RAPGEF2: variants seen among roughly 807,000 people sequenced by gnomAD.
RAPGEF2 encodes Rap guanine nucleotide exchange factor 2.
A neutral mutation model predicts 186.7 loss-of-function variants in RAPGEF2; 54 were observed. That is an observed-to-expected ratio of 0.29 (90% confidence interval 0.23 to 0.36). The LOEUF (loss-of-function observed/expected upper bound fraction) is 0.36. Ranked by LOEUF, RAPGEF2 falls within the 10% of genes least tolerant of loss-of-function variation. RAPGEF2 has a pLI of 1.00. For missense variants in RAPGEF2, 1,532 were observed against 2,045.0 expected, an observed-to-expected ratio of 0.75 and a Z score of 4.84; for synonymous variants, 712 against 705.9, an observed-to-expected ratio of 1.01 and a Z score of -0.14.
At chr4:159,165,420 A>C (rs1269914154) in intron 1 of RAPGEF2, among the ~76,000 whole-genome samples, 1 of 152,182 alleles carries the variant, frequency 6.6e-6, no homozygotes, top group Non-Finnish European at 1.5e-5. Context: ...ATGTTTTGGT[A>C]ATTATTTTAT....
At position 159,353,393 on chromosome 4, in the gene RAPGEF2, C is replaced by T; in HGVS notation, c.4092-94C>T. On this transcript the variant is annotated intron_variant, in intron 27 of 29. Transcript: ENST00000691494. This position sits in a 1 kb window ranked among gnomAD's most constrained non-coding sequence, Gnocchi z 4.3. ...CTGTTTCTGGGATGAAAGCAAGCTA[C>T]CTTTCTAGGAAAAAGGGTATTTTGG... 9.7e-7 allele frequency: 1 copy of T among 1,031,732 alleles called. No homozygotes were observed. The highest frequency in any genetic ancestry group is 1.3e-6 in the Non-Finnish European group (1 of 757,952). The allele number at this position is 1,031,732 out of a possible 1,614,324, so 63.9% of individuals were successfully genotyped here.
intron 1 of RAPGEF2, among the ~76,000 whole-genome samples, chr4:159,104,527 G>A (rs579395): frequency 0.2 from 17,251 of 87,636 alleles, 1,677 homozygotes; most frequent in Middle Eastern, 0.26. Context: ...AGAGAGAGAG[G>A]GAGAGACAGA....
At chr4:159,273,685 T>C (rs964065097) in intron 7 of RAPGEF2, among the ~76,000 whole-genome samples, 3 of 148,144 alleles carry the variant, frequency 2.0e-5, no homozygotes, top group Non-Finnish European at 3.0e-5. Context: ...TTTCTTTCTT[T>C]CTTTCTTTCT....
At chr4:159,172,547 G>A (rs1746021731) in intron 1 of RAPGEF2, among the ~76,000 whole-genome samples, 1 of 152,148 alleles carries the variant, frequency 6.6e-6, no homozygotes, top group Non-Finnish European at 1.5e-5. Flanking sequence ...GGATGTCAGA[G>A]TATCAATGTT....
intron 7 of RAPGEF2, among the ~76,000 whole-genome samples, chr4:159,291,281 A>G (rs370619699): frequency 2.0e-5 from 3 of 152,036 alleles, no homozygotes; most frequent in African/African-American, 7.2e-5. Context: ...TGTGTGTGTG[A>G]GGATTGGGTG....
At chr4:159,140,870 C>T (rs984833432) in intron 1 of RAPGEF2, among the ~76,000 whole-genome samples, 6 of 150,562 alleles carry the variant, frequency 4.0e-5, no homozygotes, top group Non-Finnish European at 5.9e-5. Flanking sequence ...CTCACTCTGT[C>T]GCCCAGGCTG....
At chr4:159,276,403 G>C (rs966511009) in intron 7 of RAPGEF2, among the ~76,000 whole-genome samples, 12 of 152,072 alleles carry the variant, frequency 7.9e-5, no homozygotes, top group Non-Finnish European at 8.8e-5. Flanking sequence ...TGTTGAAATA[G>C]TCAAATGTCA....
chr4:159,115,846 C>T (rs1159780968), intron 1 of RAPGEF2, among the ~76,000 whole-genome samples: 1 of 152,122 alleles, frequency 6.6e-6, no homozygotes, highest in East Asian at 1.9e-4. Flanking sequence ...AGAGGATTCT[C>T]TATTTAATAA....
intron 26 of RAPGEF2, chr4:159,350,942 A>G (rs1296223349): frequency 8.3e-7 from 1 of 1,206,472 alleles, no homozygotes; most frequent in African/African-American, 1.5e-5. Flanking sequence ...CACTGACTCA[A>G]CAGGTATTGC....
rs114435455 is a variant in RAPGEF2, at chr4:159,261,723, C to T, written c.543+17932C>T. On this transcript the variant is annotated intron_variant, in intron 7 of 29. Coordinates refer to ENST00000691494, the MANE Select transcript of RAPGEF2 (RefSeq NM_001394067.2). Reference sequence around the variant, plus strand: ...AATTTTCTGTCTTCTTTGCTCTGGACATCATAGGTCTGATCATGTAACCTG... The same window carrying T: ...AATTTTCTGTCTTCTTTGCTCTGGATATCATAGGTCTGATCATGTAACCTG... 3.1e-3 allele frequency among the ~76,000 whole-genome samples: 474 copies of T among 152,248 alleles called. 2 individuals carry two copies. Among genetic ancestry groups the T allele is most frequent in the African/African-American group, 0.011 (448 of 41,536 alleles).
chr4:159,212,804 GACTGAA>G (rs1159697201), intron 4 of RAPGEF2, among the ~76,000 whole-genome samples: 1 of 152,132 alleles, frequency 6.6e-6, no homozygotes, highest in Non-Finnish European at 1.5e-5. Context: ...AAATCCATAA[GACTGAA>G]ACCCTAGAAC....
At chr4:159,348,952 A>G (rs1449385592) in intron 25 of RAPGEF2, among the ~76,000 whole-genome samples, 1 of 152,212 alleles carries the variant, frequency 6.6e-6, no homozygotes, top group Non-Finnish European at 1.5e-5. Flanking sequence ...TACTTTCTAC[A>G]TCTTTAACAT....
chr4:159,208,831 T>C (rs1205499287), intron 3 of RAPGEF2, among the ~76,000 whole-genome samples: 1 of 151,960 alleles, frequency 6.6e-6, no homozygotes, highest in Non-Finnish European at 1.5e-5. Flanking sequence ...TCACAGCTCA[T>C]GTTTTCAGAA....
chr4:159,133,784 C>T (rs1268694796), intron 1 of RAPGEF2, among the ~76,000 whole-genome samples: 2 of 152,116 alleles, frequency 1.3e-5, no homozygotes, highest in African/African-American at 2.4e-5. Flanking sequence ...GGGGTTTCAC[C>T]GTGTTAGCCA....
chr4:159,304,320 G>T (rs746080127), intron 7 of RAPGEF2, 22 bp from the exon 8 acceptor site: 2 of 1,573,010 alleles, frequency 1.3e-6, no homozygotes, highest in African/African-American at 1.4e-5. Context: ...TGTAATCCTA[G>T]TTTTTCCTGC....
chr4:159,104,260 G>C (rs1440416658), intron 1 of RAPGEF2, 29 bp downstream of exon 1: 3 of 1,370,106 alleles, frequency 2.2e-6, no homozygotes, highest in Middle Eastern at 1.9e-4. Flanking sequence ...CCTGCCCTTG[G>C]CCGGATTTCT....
intron 1 of RAPGEF2, among the ~76,000 whole-genome samples, chr4:159,122,354 C>G (rs1459526479): frequency 6.6e-6 from 1 of 151,844 alleles, no homozygotes; most frequent in Non-Finnish European, 1.5e-5. Context: ...TGGCGCACGC[C>G]TATAATCCTA....
chr4:159,217,066 T>C (rs555274280), intron 4 of RAPGEF2, among the ~76,000 whole-genome samples: 1 of 151,812 alleles, frequency 6.6e-6, no homozygotes, highest in African/African-American at 2.4e-5. Context: ...GCTTGCAAGG[T>C]TTTTTTTAGT....
At chr4:159,261,331 G>A (rs1245876890) in intron 7 of RAPGEF2, among the ~76,000 whole-genome samples, 2 of 151,958 alleles carry the variant, frequency 1.3e-5, no homozygotes, top group Non-Finnish European at 2.9e-5. Context: ...CAAAGTGCTG[G>A]GATTACGGGC....
Sources: gnomAD v4.1 joint callset for allele counts (sites outside exome capture counted in the v4.1 genomes callset) on GRCh38, gnomAD v4.1.1 for gene constraint, Gnocchi (gnomAD v3.1) non-coding constraint, MANE v1.5 for transcripts, NCBI Gene and HGNC (gene_info 2026-07-23, HGNC 2026-07-21) for gene names.